BRWD3: variants seen among roughly 807,000 people sequenced by gnomAD.
The protein encoded by BRWD3 is bromodomain and WD repeat-containing protein 3.
BRWD3 carries 10 observed loss-of-function variants against 149.7 expected under a neutral mutation model. The observed-to-expected ratio is 0.07, with a 90% confidence interval of 0.04 to 0.11. BRWD3 has a LOEUF of 0.11. Ranked by LOEUF, BRWD3 falls within the 10% of genes least tolerant of loss-of-function variation. BRWD3 has a pLI of 1.00. For missense variants in BRWD3, 940 were observed against 1,373.2 expected (o/e 0.68, Z 4.99); for synonymous variants, 504 against 456.7 (o/e 1.10, Z -1.32).
intron 31 of BRWD3, 96 bp from the exon 32 acceptor site, chrX:80,690,188 T>G: frequency 1.1e-6 from 1 of 931,139 alleles, no homozygotes. Flanking sequence ...TTAAACACAG[T>G]GTGTCAAAGG....
chrX:80,770,364 C>A (rs2073925606), intron 6 of BRWD3, among the ~76,000 whole-genome samples: 1 of 111,717 alleles, frequency 9.0e-6, no homozygotes, highest in South Asian at 3.7e-4. Context: ...AAAATACTGG[C>A]AAACCGAATC....
chrX:80,713,658 C>T (rs1267801848), intron 20 of BRWD3, among the ~76,000 whole-genome samples: 1 of 109,612 alleles, frequency 9.1e-6, no homozygotes, highest in Non-Finnish European at 1.9e-5. Flanking sequence ...CCAAATCCCC[C>T]TCTGCGAGAG....
intron 4 of BRWD3, among the ~76,000 whole-genome samples, chrX:80,798,912 C>T (rs1222466134): frequency 1.8e-5 from 2 of 112,107 alleles, no homozygotes; most frequent in East Asian, 5.6e-4. Context: ...GAAGAGAAAA[C>T]AGATCCAGAA....
chrX:80,785,605 T>C (rs1216638799), intron 6 of BRWD3, among the ~76,000 whole-genome samples: 1 of 112,297 alleles, frequency 8.9e-6, no homozygotes, highest in Middle Eastern at 4.2e-3. Flanking sequence ...GTCAGAATTT[T>C]ATTGTTTTTG....
chrX:80,726,084 A>G (rs1394232476), intron 14 of BRWD3, among the ~76,000 whole-genome samples: 6 of 106,677 alleles, frequency 5.6e-5, no homozygotes, highest in African/African-American at 2.0e-4. Flanking sequence ...TGTTGTCTGT[A>G]TAACAACATG....
At chrX:80,685,666 G>A in intron 35 of BRWD3, 130 bp from the exon 36 acceptor site, 2 of 514,448 alleles carry the variant, frequency 3.9e-6, no homozygotes, top group East Asian at 3.7e-5. Flanking sequence ...GTACTTTAAG[G>A]TGAAGGAATT....
chrX:80,787,853 G>A (rs962637750), intron 6 of BRWD3, among the ~76,000 whole-genome samples: 1 of 110,908 alleles, frequency 9.0e-6, no homozygotes, highest in Non-Finnish European at 1.9e-5. Context: ...GGGAGGCCGA[G>A]GCAGGCGGAT....
chrX:80,754,260 G>A (rs1007446877), intron 6 of BRWD3, among the ~76,000 whole-genome samples: 1 of 111,246 alleles, frequency 9.0e-6, no homozygotes, highest in African/African-American at 3.3e-5. Flanking sequence ...TAGATTTTGG[G>A]GGTTTTTTTG....
chrX:80,710,401 GC>G (rs1390561606), intron 20 of BRWD3: 14 of 336,316 alleles, frequency 4.2e-5, no homozygotes, highest in Non-Finnish European at 7.8e-5. Flanking sequence ...GTCCACTGGG[GC>G]CCATTCTCAG....
Position 80,681,388 on chromosome X carries a change from G to T in BRWD3, c.4607C>A (p.Pro1536Gln), listed in dbSNP as rs748179755. The stretch of plus-strand genomic sequence containing the variant: ...ATTCCGAAATGATTTGGCTTTCCCT[G>T]GGTCATGGCTATTTCCACTTCGGCT... ...GYSRSGNSHDPGKAKSFRNRV... is the reference protein window; with the variant it reads ...GYSRSGNSHDQGKAKSFRNRV... Residue 1536 changes from proline (P) to glutamine (Q), a missense_variant, in exon 40 of 41, where the codon CCA (proline) becomes CAA (glutamine). By Grantham distance (76) the Pro-to-Gln change is moderately conservative. Around this residue, in one of 6 missense-constraint regions of BRWD3, gnomAD observed 349 missense variants for 419.6 expected, o/e 0.83. Coordinates refer to ENST00000373275, the MANE Select transcript of BRWD3 (RefSeq NM_153252.5). 2 of 1,210,603 alleles carry T rather than the reference G, an allele frequency of 1.7e-6. No individual in the cohort carries two copies.
intron 6 of BRWD3, among the ~76,000 whole-genome samples, chrX:80,765,963 T>C (rs1226381807): frequency 2.7e-5 from 3 of 112,094 alleles, no homozygotes; most frequent in Non-Finnish European, 5.6e-5. Flanking sequence ...GAAATGTGTA[T>C]AGATGCCAAG....
chrX:80,737,638 G>A (rs999486074), intron 8 of BRWD3, among the ~76,000 whole-genome samples: 1 of 111,764 alleles, frequency 8.9e-6, no homozygotes, highest in Non-Finnish European at 1.9e-5. Context: ...AGTTCGAAAC[G>A]AGACTGGCCG....
intron 22 of BRWD3, among the ~76,000 whole-genome samples, chrX:80,706,461 A>T (rs189858495): frequency 8.9e-6 from 1 of 111,781 alleles, no homozygotes; most frequent in Non-Finnish European, 1.9e-5. Context: ...TTTAAGGTTT[A>T]AAATTTTTTT....
At chrX:80,683,556 TTAC>T (rs2072484137) in intron 37 of BRWD3, among the ~76,000 whole-genome samples, 1 of 111,871 alleles carries the variant, frequency 8.9e-6, no homozygotes, top group Non-Finnish European at 1.9e-5. Context: ...AAAAACTTGA[TTAC>T]TATTTTTCTA....
In BRWD3 at chrX:80,676,277, TAAG is replaced by T. The variant is rs2072364575; in HGVS notation, c.*329_*331del. 2.2e-5 allele frequency: 6 copies of T among 270,567 alleles called. No individual in the cohort carries two copies. Among genetic ancestry groups the T allele is most frequent in the South Asian group, 1.7e-4 (2 of 11,564 alleles). 22.3% of individuals were successfully genotyped at this position (270,567 alleles called of 1,213,427 possible). A position where few individuals can be genotyped will look rare whatever the true frequency, so the allele number is the denominator to read the frequency against. Reference sequence around the variant, plus strand: ...TGAGATAAAAATGTCATGCTACTCTTAAGAAGCTGAATGCTCCTTTAATGTAGT... The same window carrying T: ...TGAGATAAAAATGTCATGCTACTCTTAAGCTGAATGCTCCTTTAATGTAGT... On this transcript the variant is annotated 3_prime_UTR_variant, in exon 41 of 41. Coordinates refer to ENST00000373275, the MANE Select transcript of BRWD3 (RefSeq NM_153252.5).
intron 7 of BRWD3, 92 bp downstream of exon 7, chrX:80,745,477 A>T: frequency 1.1e-6 from 1 of 877,872 alleles, no homozygotes; most frequent in East Asian, 3.4e-5. Context: ...AAAAAAAGTG[A>T]ACTGCTTACA....
At chrX:80,793,986 G>A (rs1028028629) in intron 4 of BRWD3, among the ~76,000 whole-genome samples, 2 of 110,577 alleles carry the variant, frequency 1.8e-5, no homozygotes, top group African/African-American at 3.3e-5. Context: ...CGAGACCAGC[G>A]TGGCCAACAT....
At chrX:80,745,540 T>A (rs2073580588) in intron 7 of BRWD3, 29 bp downstream of exon 7, 2 of 1,167,961 alleles carry the variant, frequency 1.7e-6, no homozygotes, top group Non-Finnish European at 2.3e-6. Flanking sequence ...ATTCTATATA[T>A]GTTACCATAT....
At chrX:80,746,979 C>T in intron 6 of BRWD3, 1 of 195,920 alleles carries the variant, frequency 5.1e-6, no homozygotes, top group Non-Finnish European at 7.7e-6. Context: ...TTATGTAATA[C>T]TGCAAGATGC....
Sources: allele counts gnomAD v4.1 joint callset (sites outside exome capture counted in the v4.1 genomes callset), GRCh38; gene constraint gnomAD v4.1.1; regional missense constraint gnomAD v4.1.1; transcripts MANE v1.5; gene names NCBI Gene and HGNC (gene_info 2026-07-23, HGNC 2026-07-21).